Variants in DOCK2 observed in about 807,000 individuals in gnomAD.
DOCK2 encodes the protein dedicator of cytokinesis protein 2.
Under a neutral mutation model 248.9 loss-of-function variants are expected in DOCK2, and 87 were observed. That is an observed-to-expected ratio of 0.35 (90% CI 0.29 to 0.42). The LOEUF is 0.42. Ranked by LOEUF, DOCK2 falls within the 10% of genes least tolerant of loss-of-function variation. DOCK2 has a pLI of 1.00. For synonymous variants in DOCK2, 805 were observed against 821.6 expected, an observed-to-expected ratio of 0.98 and a Z score of 0.35; for missense variants, 1,747 against 2,300.2, an observed-to-expected ratio of 0.76 and a Z score of 4.92.
intron 27 of DOCK2, among the ~76,000 whole-genome samples, chr5:169,886,472 C>T (rs1350580215): frequency 6.6e-6 from 1 of 152,212 alleles, no homozygotes; most frequent in Non-Finnish European, 1.5e-5. Flanking sequence ...GCATCTTCCT[C>T]CTCAGATAAT....
intron 6 of DOCK2, among the ~76,000 whole-genome samples, chr5:169,678,099 A>C (rs1759437975): frequency 6.6e-6 from 1 of 152,178 alleles, no homozygotes; most frequent in African/African-American, 2.4e-5. Context: ...AGCCCCTGGA[A>C]TTTCTTAACA....
At chr5:170,049,278 C>G (rs1272725451) in intron 40 of DOCK2, among the ~76,000 whole-genome samples, 1 of 152,230 alleles carries the variant, frequency 6.6e-6, no homozygotes, top group Non-Finnish European at 1.5e-5. Context: ...CCACGCCCAG[C>G]TAATTTTTGT....
At chr5:170,005,964 C>A (rs1755020003) in intron 30 of DOCK2, among the ~76,000 whole-genome samples, 1 of 152,192 alleles carries the variant, frequency 6.6e-6, no homozygotes, top group Admixed American at 6.5e-5. Flanking sequence ...TTGCTATCCC[C>A]TAAAATCAGA....
intron 11 of DOCK2, 78 bp downstream of exon 11, chr5:169,698,527 C>T: frequency 6.6e-7 from 1 of 1,506,284 alleles, no homozygotes; most frequent in African/African-American, 1.4e-5. Flanking sequence ...TCAGAGGGTA[C>T]CAGTTCCCTG....
intron 23 of DOCK2, among the ~76,000 whole-genome samples, chr5:169,748,698 T>C (rs1218339057): frequency 1.3e-5 from 2 of 152,200 alleles, no homozygotes; most frequent in African/African-American, 4.8e-5. Context: ...TGGTCTTATG[T>C]AACAAGGTTA....
Position 170,083,135 on chromosome 5 carries a change from A to G in DOCK2, c.*277A>G, listed in dbSNP as rs1758092802. On this transcript the variant is annotated 3_prime_UTR_variant, in exon 52 of 52. Transcript: ENST00000520908. ...TGCCTTCTCCCAGTGTGCTCTCCCCAACATCCTAGGCACAGCTTTCATAAC... is the reference window on the plus strand; with the variant it reads ...TGCCTTCTCCCAGTGTGCTCTCCCCGACATCCTAGGCACAGCTTTCATAAC... 1 of 439,868 alleles carries G rather than the reference A, an allele frequency of 2.3e-6. No individual in the cohort carries two copies. The highest frequency in any genetic ancestry group is 4.1e-6 in the Non-Finnish European group (1 of 244,214). 27.2% of individuals were successfully genotyped at this position (439,868 alleles called of 1,614,324 possible).
At chr5:169,816,690 A>G (rs996772051) in intron 26 of DOCK2, among the ~76,000 whole-genome samples, 4 of 151,188 alleles carry the variant, frequency 2.6e-5, no homozygotes, top group Admixed American at 6.6e-5. Context: ...TCTTTTTTTT[A>G]ATTTTTAATT....
intron 23 of DOCK2, among the ~76,000 whole-genome samples, chr5:169,758,118 CA>C (rs778336613): frequency 7.2e-5 from 11 of 152,230 alleles, no homozygotes; most frequent in South Asian, 4.1e-4. Context: ...AGCCTATGAT[CA>C]GGGGTGGGCT....
chr5:169,883,095 T>C, intron 27 of DOCK2: 1 of 1,551,644 alleles, frequency 6.4e-7, no homozygotes, highest in Non-Finnish European at 8.7e-7. Context: ...CTGTGCCTGG[T>C]GTGTGGCTGG....
At chr5:170,071,183 A>G (rs1392276612) in intron 46 of DOCK2, among the ~76,000 whole-genome samples, 1 of 152,132 alleles carries the variant, frequency 6.6e-6, no homozygotes, top group African/African-American at 2.4e-5. Flanking sequence ...ACATTATCAC[A>G]TGCAGCAGAT....
At chr5:169,891,885 C>T (rs545295594) in intron 27 of DOCK2, among the ~76,000 whole-genome samples, 9 of 151,432 alleles carry the variant, frequency 5.9e-5, no homozygotes, top group Non-Finnish European at 1.0e-4. Context: ...ATCCCAGCTA[C>T]TTGGCAGGCT....
chr5:170,019,855 T>G (rs1224266835), intron 33 of DOCK2, among the ~76,000 whole-genome samples: 3 of 152,056 alleles, frequency 2.0e-5, no homozygotes, highest in Non-Finnish European at 4.4e-5. Flanking sequence ...AGCCGTTCCC[T>G]CAGGCCTCAC....
intron 27 of DOCK2, among the ~76,000 whole-genome samples, chr5:169,954,058 C>T (rs968050169): frequency 8.5e-5 from 13 of 152,140 alleles, no homozygotes; most frequent in Non-Finnish European, 1.6e-4. Context: ...TTTCAAAGAC[C>T]CTGAACACTC....
intron 44 of DOCK2, among the ~76,000 whole-genome samples, chr5:170,064,565 G>A (rs1432699271): frequency 6.6e-6 from 1 of 151,844 alleles, no homozygotes; most frequent in East Asian, 1.9e-4. Flanking sequence ...AACCTGAGGA[G>A]CAAAAAGAAA....
intron 27 of DOCK2, among the ~76,000 whole-genome samples, chr5:169,852,931 G>A (rs1241954382): frequency 6.6e-6 from 1 of 152,196 alleles, no homozygotes; most frequent in African/African-American, 2.4e-5. Flanking sequence ...TTCCCTGGGG[G>A]TGTTGTTGAG....
chr5:169,659,878 C>T (rs2113218368), intron 2 of DOCK2, among the ~76,000 whole-genome samples: 1 of 152,286 alleles, frequency 6.6e-6, no homozygotes, highest in South Asian at 2.1e-4. Context: ...GTCACTTCCT[C>T]CAGTCATATT....
chr5:169,923,657 T>C (rs1412189504), intron 27 of DOCK2, among the ~76,000 whole-genome samples: 1 of 152,228 alleles, frequency 6.6e-6, no homozygotes, highest in Non-Finnish European at 1.5e-5. Flanking sequence ...ATAATATTGC[T>C]TCAAAGAAGG....
At chr5:169,936,038 C>A (rs981945753) in intron 27 of DOCK2, among the ~76,000 whole-genome samples, 1 of 152,106 alleles carries the variant, frequency 6.6e-6, no homozygotes, top group South Asian at 2.1e-4. Flanking sequence ...GGGGGAACAA[C>A]TGTAAAGAAG....
intron 1 of DOCK2, among the ~76,000 whole-genome samples, 165 bp downstream of exon 1, chr5:169,637,534 G>T (rs1370803792): frequency 3.3e-5 from 5 of 152,122 alleles, no homozygotes; most frequent in Non-Finnish European, 7.4e-5. Flanking sequence ...GCCGAGGCTC[G>T]GGGAGAGGAC....
Sources: gnomAD v4.1 joint callset for allele counts (sites outside exome capture counted in the v4.1 genomes callset) on GRCh38, gnomAD v4.1.1 for gene constraint, MANE v1.5 for transcripts, NCBI Gene and HGNC (gene_info 2026-07-23, HGNC 2026-07-21) for gene names.